Variants in ARMH3 observed in about 807,000 individuals in gnomAD.
ARMH3 encodes armadillo like helical domain containing 3, also known as armadillo-like helical domain-containing protein 3.
ARMH3 carries 60 observed loss-of-function variants against 99.1 expected under a neutral mutation model. That is an observed-to-expected ratio of 0.61 (90% CI 0.49 to 0.75). The LOEUF (loss-of-function observed/expected upper bound fraction) is 0.75. Among genes scored for constraint, ARMH3 ranks in the 30% least tolerant of loss-of-function variants. The pLI is 0.00. For synonymous variants in ARMH3, 285 were observed against 292.8 expected (o/e 0.97, Z 0.27); for missense variants, 679 against 843.1 (o/e 0.81, Z 2.41).
intron 12 of ARMH3, 35 bp downstream of exon 12, chr10:102,009,942 G>C: frequency 6.2e-7 from 1 of 1,600,864 alleles, no homozygotes; most frequent in Non-Finnish European, 8.6e-7. Context: ...CCACACTAAA[G>C]TCCAAGTCAC....
At chr10:101,979,513 A>AACT (rs60774854) in intron 19 of ARMH3, among the ~76,000 whole-genome samples, 31,661 of 152,052 alleles carry the variant, frequency 0.21, 3,633 homozygotes, top group East Asian at 0.52. Context: ...ACAGAAGAGT[A>AACT]ACTACTACTG....
chr10:101,916,675 A>G (rs999282923), intron 23 of ARMH3, among the ~76,000 whole-genome samples: 5 of 152,186 alleles, frequency 3.3e-5, no homozygotes, highest in African/African-American at 1.2e-4. Context: ...TTAATGGTAA[A>G]TCATTATTTC....
At chr10:101,869,649 A>G (rs1391567657) in intron 24 of ARMH3, among the ~76,000 whole-genome samples, 1 of 152,222 alleles carries the variant, frequency 6.6e-6, no homozygotes, top group African/African-American at 2.4e-5. Flanking sequence ...TCAATGACCT[A>G]AATTTCTACC....
intron 22 of ARMH3, among the ~76,000 whole-genome samples, chr10:101,946,614 G>A (rs1443200213): frequency 1.3e-5 from 2 of 152,114 alleles, no homozygotes; most frequent in Non-Finnish European, 2.9e-5. Flanking sequence ...AATTAAATAC[G>A]AAGAATAGAG....
At chr10:101,957,602 G>A in intron 21 of ARMH3, 48 bp downstream of exon 21, 1 of 1,558,028 alleles carries the variant, frequency 6.4e-7, no homozygotes, top group East Asian at 2.3e-5. Context: ...GTGCATTTCT[G>A]CCTTAGCATA....
chr10:102,029,090 G>T (rs944338381), intron 5 of ARMH3, among the ~76,000 whole-genome samples: 2 of 152,120 alleles, frequency 1.3e-5, no homozygotes, highest in African/African-American at 2.4e-5. Context: ...GCCCACGCTG[G>T]TCTCAAACTC....
intron 24 of ARMH3, among the ~76,000 whole-genome samples, chr10:101,853,932 G>C (rs535231560): frequency 1.1e-3 from 166 of 152,314 alleles, no homozygotes; most frequent in Non-Finnish European, 1.9e-3. Flanking sequence ...GGCCAAGATG[G>C]TGAAGCCCCG....
intron 24 of ARMH3, among the ~76,000 whole-genome samples, chr10:101,860,371 A>G (rs1412736369): frequency 5.3e-5 from 8 of 152,236 alleles, no homozygotes. Flanking sequence ...AAAGTAGTTC[A>G]GAACTTCCAC....
chr10:101,972,729 C>T (rs1845823435), intron 20 of ARMH3, among the ~76,000 whole-genome samples: 1 of 152,176 alleles, frequency 6.6e-6, no homozygotes, highest in African/African-American at 2.4e-5. Context: ...AGCCAGGGTT[C>T]CAGGAGGGCT....
At chr10:101,978,475 CA>C (rs1846098761) in intron 19 of ARMH3, among the ~76,000 whole-genome samples, 1 of 152,154 alleles carries the variant, frequency 6.6e-6, no homozygotes, top group African/African-American at 2.4e-5. Context: ...CATAACCCAG[CA>C]ATTCCACTAC....
chr10:101,855,211 G>A (rs920768503), intron 24 of ARMH3, among the ~76,000 whole-genome samples: 5 of 140,332 alleles, frequency 3.6e-5, no homozygotes, highest in Non-Finnish European at 7.8e-5. Flanking sequence ...GGGATTACAG[G>A]TGCCTGCCAC....
At chr10:101,902,574 C>T (rs571316456) in intron 23 of ARMH3, among the ~76,000 whole-genome samples, 1 of 152,208 alleles carries the variant, frequency 6.6e-6, no homozygotes, top group African/African-American at 2.4e-5. Flanking sequence ...TACGTGCGCA[C>T]TTCTCTTCAG....
intron 2 of ARMH3, 180 bp from the exon 3 acceptor site, chr10:102,033,519 C>T (rs984550176): frequency 1.5e-5 from 9 of 608,692 alleles, no homozygotes; most frequent in East Asian, 9.1e-5. Context: ...CCAGGGTTCA[C>T]GCCATTCCCC....
At chr10:102,012,738 A>G (rs529539304) in intron 10 of ARMH3, 95 bp downstream of exon 10, 1 of 1,179,316 alleles carries the variant, frequency 8.5e-7, no homozygotes, top group Admixed American at 2.1e-5. Context: ...CTCTTAGACT[A>G]GGTAAGGGAA....
At chr10:102,049,328 G>T (rs901980391) in intron 1 of ARMH3, among the ~76,000 whole-genome samples, 1 of 152,082 alleles carries the variant, frequency 6.6e-6, no homozygotes, top group Admixed American at 6.6e-5. Context: ...GATCACTTGA[G>T]GTCAGGAGTT....
intron 24 of ARMH3, among the ~76,000 whole-genome samples, chr10:101,862,932 G>A (rs983740024): frequency 2.0e-5 from 3 of 152,106 alleles, no homozygotes; most frequent in Middle Eastern, 3.4e-3. Flanking sequence ...AGCCAGGCGC[G>A]GTGGCTCATG....
intron 5 of ARMH3, among the ~76,000 whole-genome samples, chr10:102,028,775 G>A (rs1417779835): frequency 2.6e-5 from 4 of 152,148 alleles, no homozygotes; most frequent in Admixed American, 1.3e-4. Flanking sequence ...ATGGGTACAG[G>A]TTTTCTTTCT....
chr10:101,899,391 G>A (rs546230151), intron 23 of ARMH3, among the ~76,000 whole-genome samples: 1 of 152,192 alleles, frequency 6.6e-6, no homozygotes, highest in African/African-American at 2.4e-5. Context: ...AAGGGGTAAA[G>A]GTATGACTGA....
chr10:101,970,397 T>C (rs1258071488), intron 20 of ARMH3, among the ~76,000 whole-genome samples: 1 of 152,120 alleles, frequency 6.6e-6, no homozygotes, highest in Non-Finnish European at 1.5e-5. Flanking sequence ...CTGGGTTCTA[T>C]TATTATTATT....
Sources: gnomAD v4.1 joint callset for allele counts (sites outside exome capture counted in the v4.1 genomes callset) on GRCh38, gnomAD v4.1.1 for gene constraint, MANE v1.5 for transcripts, NCBI Gene and HGNC (gene_info 2026-07-23, HGNC 2026-07-21) for gene names.